The following PAWR variants were observed in gnomAD, a reference collection of about 807,000 sequenced individuals.
PAWR encodes the protein PRKC apoptosis WT1 regulator protein.
A neutral mutation model predicts 32.0 loss-of-function variants in PAWR; 23 were observed. That is an observed-to-expected ratio of 0.72 (90% CI 0.52 to 1.02). PAWR has a LOEUF of 1.02. Ranked by LOEUF, PAWR falls within the 50% of genes least tolerant of loss-of-function variation. The pLI, the probability that PAWR is intolerant of heterozygous loss-of-function variation, is 0.00. For missense variants in PAWR, 457 were observed against 437.7 expected, an observed-to-expected ratio of 1.04 and a Z score of -0.39; for synonymous variants, 226 against 187.1, an observed-to-expected ratio of 1.21 and a Z score of -1.70.
intron 2 of PAWR, among the ~76,000 whole-genome samples, chr12:79,672,316 A>AT (rs1388369711): frequency 3.9e-5 from 6 of 152,144 alleles, no homozygotes; most frequent in Non-Finnish European, 7.4e-5. Context: ...CCTGGTCTTT[A>AT]TCTCTTCTCA....
chr12:79,637,446 C>T (rs554061465), intron 2 of PAWR, among the ~76,000 whole-genome samples: 15 of 151,468 alleles, frequency 9.9e-5, no homozygotes, highest in East Asian at 1.9e-4. Context: ...TGTCATCACT[C>T]GACCTCTGCC....
At chr12:79,688,915 G>A (rs1265759500) in intron 2 of PAWR, among the ~76,000 whole-genome samples, 1 of 152,192 alleles carries the variant, frequency 6.6e-6, no homozygotes, top group Non-Finnish European at 1.5e-5. Context: ...GTTTCTGGTA[G>A]AGGGAGGTGT....
intron 3 of PAWR, among the ~76,000 whole-genome samples, chr12:79,614,990 A>G (rs1874658621): frequency 6.6e-6 from 1 of 152,214 alleles, no homozygotes; most frequent in Non-Finnish European, 1.5e-5. Context: ...GTTGTTGTAG[A>G]GATAAAATGA....
At chr12:79,631,018 T>C (rs1172331548) in intron 2 of PAWR, among the ~76,000 whole-genome samples, 3 of 152,120 alleles carry the variant, frequency 2.0e-5, no homozygotes, top group African/African-American at 7.2e-5. Context: ...AACACTTTGT[T>C]TAACCTTCAA....
chr12:79,654,563 A>G (rs1877005445), intron 2 of PAWR, among the ~76,000 whole-genome samples: 1 of 152,168 alleles, frequency 6.6e-6, no homozygotes, highest in Admixed American at 6.5e-5. Flanking sequence ...TACCACCTGT[A>G]TTAGTCCGTT....
At chr12:79,673,928 C>T (rs1878034546) in intron 2 of PAWR, among the ~76,000 whole-genome samples, 1 of 152,036 alleles carries the variant, frequency 6.6e-6, no homozygotes, top group South Asian at 2.1e-4. Context: ...GGAAAAACAT[C>T]CCATGCTCAT....
At chr12:79,638,862 TC>T (rs1876105627) in intron 2 of PAWR, among the ~76,000 whole-genome samples, 1 of 25,414 alleles carries the variant, frequency 3.9e-5, no homozygotes, top group Non-Finnish European at 7.1e-5. Context: ...TGAGATGGAG[TC>T]ATATATATAT....
At chr12:79,622,191 C>A (rs1875054667) in intron 2 of PAWR, among the ~76,000 whole-genome samples, 2 of 151,842 alleles carry the variant, frequency 1.3e-5, no homozygotes, top group South Asian at 2.1e-4. Flanking sequence ...AGAAGGTGCA[C>A]TGGAATATTT....
At chr12:79,671,320 C>T (rs76476953) in intron 2 of PAWR, among the ~76,000 whole-genome samples, 75 of 152,284 alleles carry the variant, frequency 4.9e-4, no homozygotes, top group Non-Finnish European at 8.5e-4. Flanking sequence ...AAGATTAAAT[C>T]CCTTCACTAG....
chr12:79,638,004 G>A (rs1420821466), intron 2 of PAWR, among the ~76,000 whole-genome samples: 4 of 151,896 alleles, frequency 2.6e-5, no homozygotes, highest in African/African-American at 4.8e-5. Flanking sequence ...TGAATACAAC[G>A]TGATTTGTTC....
chr12:79,594,557 C>T (rs1873676487), intron 5 of PAWR, 124 bp from the exon 6 acceptor site: 1 of 584,756 alleles, frequency 1.7e-6, no homozygotes, highest in Non-Finnish European at 3.0e-6. Context: ...CAATGAATCC[C>T]TTAAGACATT....
At chr12:79,602,915 A>G (rs1191608346) in intron 4 of PAWR, among the ~76,000 whole-genome samples, 5 of 152,012 alleles carry the variant, frequency 3.3e-5, no homozygotes, top group African/African-American at 1.2e-4. Context: ...TACCACAAAT[A>G]CACAAAACGA....
At chr12:79,605,385 A>G (rs1262602231) in intron 4 of PAWR, among the ~76,000 whole-genome samples, 1 of 152,182 alleles carries the variant, frequency 6.6e-6, no homozygotes, top group Non-Finnish European at 1.5e-5. Context: ...TTTATTATAT[A>G]CAGTAGAAAC....
intron 3 of PAWR, among the ~76,000 whole-genome samples, chr12:79,616,745 T>G (rs889311224): frequency 2.6e-5 from 4 of 151,816 alleles, no homozygotes; most frequent in African/African-American, 9.7e-5. Context: ...ACTCAGTCAC[T>G]TAAAACATAA....
chr12:79,592,527 T>C lies in PAWR; in HGVS notation c.*80A>G, dbSNP rs1873590994. 1.5e-6 allele frequency: 1 copy of C among 661,628 alleles called. No homozygotes were observed. The highest frequency in any genetic ancestry group is 1.8e-5 in the South Asian group (1 of 56,476). 41.0% of individuals were successfully genotyped at this position (661,628 alleles called of 1,614,324 possible). A position where few individuals can be genotyped will look rare whatever the true frequency, so the allele number is the denominator to read the frequency against. Reference sequence around the variant, plus strand: ...TTAGTTATTTTAATGTATTGCAGCATAGGAATATTGTGCTAGCATTGACCA... The same window carrying C: ...TTAGTTATTTTAATGTATTGCAGCACAGGAATATTGTGCTAGCATTGACCA... On this transcript the variant is annotated 3_prime_UTR_variant, in exon 7 of 7. Coordinates refer to ENST00000328827, the MANE Select transcript of PAWR (RefSeq NM_002583.4).
At chr12:79,620,913 G>A (rs367933485) in intron 3 of PAWR, among the ~76,000 whole-genome samples, 163 bp downstream of exon 3, 30 of 152,248 alleles carry the variant, frequency 2.0e-4, no homozygotes, top group Non-Finnish European at 1.0e-4. Flanking sequence ...TCATGCTTAC[G>A]GTGAGCCCAA....
At chr12:79,644,071 T>C (rs376685501) in intron 2 of PAWR, among the ~76,000 whole-genome samples, 41 of 152,244 alleles carry the variant, frequency 2.7e-4, no homozygotes, top group African/African-American at 9.1e-4. Flanking sequence ...GAAGGGAAAA[T>C]ATTCCTTCAG....
intron 2 of PAWR, among the ~76,000 whole-genome samples, 157 bp downstream of exon 2, chr12:79,689,572 G>C (rs1331636242): frequency 6.6e-6 from 1 of 152,164 alleles, no homozygotes; most frequent in African/African-American, 2.4e-5. Context: ...TTTGTTCAGA[G>C]TAAAACTCCA....
At chr12:79,594,793 T>A (rs1873686970) in intron 5 of PAWR, among the ~76,000 whole-genome samples, 2 of 152,100 alleles carry the variant, frequency 1.3e-5, no homozygotes, top group Admixed American at 1.3e-4. Flanking sequence ...CTTGGCTCAC[T>A]GCAACCTCCA....
Sources: gnomAD v4.1 joint callset for allele counts (sites outside exome capture counted in the v4.1 genomes callset) on GRCh38, gnomAD v4.1.1 for gene constraint, MANE v1.5 for transcripts, NCBI Gene and HGNC (gene_info 2026-07-23, HGNC 2026-07-21) for gene names.